ARHGAP15: variants seen among roughly 807,000 people sequenced by gnomAD.
ARHGAP15 encodes Rho GTPase activating protein 15, also known as rho GTPase-activating protein 15.
ARHGAP15 carries 51 observed loss-of-function variants against 63.7 expected under a neutral mutation model. The ratio of observed to expected loss-of-function variants is 0.80; its 90% CI spans 0.64 to 1.01. ARHGAP15 has a LOEUF of 1.01. Ranked by LOEUF, ARHGAP15 falls within the 50% of genes least tolerant of loss-of-function variation. The pLI is 0.00. For synonymous variants in ARHGAP15, 191 were observed against 193.8 expected (o/e 0.99, Z 0.12); for missense variants, 560 against 564.6 (o/e 0.99, Z 0.08).
intron 6 of ARHGAP15, among the ~76,000 whole-genome samples, chr2:143,408,218 C>A (rs956390016): frequency 2.0e-5 from 3 of 149,574 alleles, no homozygotes; most frequent in African/African-American, 7.3e-5. Context: ...CTCTCCCTCT[C>A]TCCCTTCCTC....
chr2:143,337,192 G>A (rs1684813012), intron 6 of ARHGAP15, among the ~76,000 whole-genome samples: 1 of 152,180 alleles, frequency 6.6e-6, no homozygotes, highest in South Asian at 2.1e-4. Flanking sequence ...AAAGTGCTGT[G>A]AAGATGGTCC....
intron 6 of ARHGAP15, among the ~76,000 whole-genome samples, chr2:143,334,658 T>C (rs1684694384): frequency 6.6e-6 from 1 of 152,212 alleles, no homozygotes; most frequent in Non-Finnish European, 1.5e-5. Context: ...GTTGTTTATT[T>C]TATGCCTAAT....
chr2:143,753,481 T>C (rs1686458480), intron 13 of ARHGAP15, among the ~76,000 whole-genome samples: 1 of 152,210 alleles, frequency 6.6e-6, no homozygotes, highest in African/African-American at 2.4e-5. Context: ...CAGTTCTACG[T>C]ACCGGACGAT....
intron 12 of ARHGAP15, among the ~76,000 whole-genome samples, chr2:143,640,313 G>A (rs1421780764): frequency 1.3e-5 from 2 of 152,060 alleles, no homozygotes; most frequent in Non-Finnish European, 2.9e-5. Context: ...AGGGTGGCGA[G>A]AAGGTGAATG....
intron 13 of ARHGAP15, among the ~76,000 whole-genome samples, chr2:143,706,933 C>T (rs1684354197): frequency 6.6e-6 from 1 of 152,126 alleles, no homozygotes; most frequent in African/African-American, 2.4e-5. Context: ...AATGCATTTT[C>T]CTATAGCCTG....
intron 6 of ARHGAP15, among the ~76,000 whole-genome samples, chr2:143,389,614 G>A (rs1223056065): frequency 6.6e-6 from 1 of 152,152 alleles, no homozygotes; most frequent in East Asian, 1.9e-4. Flanking sequence ...CTGTATCACT[G>A]TTTTGGTAAG....
chr2:143,283,092 C>A (rs2105089006), intron 6 of ARHGAP15, among the ~76,000 whole-genome samples: 1 of 152,238 alleles, frequency 6.6e-6, no homozygotes, highest in South Asian at 2.1e-4. Flanking sequence ...TGTGATTTTT[C>A]CCCAGGAGTT....
chr2:143,132,360 A>G (rs1338710571), intron 1 of ARHGAP15, among the ~76,000 whole-genome samples: 3 of 152,230 alleles, frequency 2.0e-5, no homozygotes, highest in African/African-American at 7.2e-5. Flanking sequence ...ACACAGGATT[A>G]TCAGGAGTAG....
At chr2:143,252,743 C>A (rs1216036242) in intron 6 of ARHGAP15, among the ~76,000 whole-genome samples, 1 of 151,964 alleles carries the variant, frequency 6.6e-6, no homozygotes, top group East Asian at 1.9e-4. Flanking sequence ...TAGATACAGA[C>A]TATGAGAGTA....
At chr2:143,555,912 GAA>G (rs1695774054) in intron 10 of ARHGAP15, among the ~76,000 whole-genome samples, 3 of 107,864 alleles carry the variant, frequency 2.8e-5, no homozygotes, top group South Asian at 6.3e-4. Flanking sequence ...GAATAGAATA[GAA>G]TAGAATAGAA....
chr2:143,296,501 T>A (rs1273881453), intron 6 of ARHGAP15, among the ~76,000 whole-genome samples: 1 of 152,000 alleles, frequency 6.6e-6, no homozygotes, highest in Non-Finnish European at 1.5e-5. Context: ...TAAGAATATC[T>A]TCCTAAGTGG....
At chr2:143,400,822 G>GAA (rs1687960579) in intron 6 of ARHGAP15, among the ~76,000 whole-genome samples, 1 of 152,022 alleles carries the variant, frequency 6.6e-6, no homozygotes, top group Non-Finnish European at 1.5e-5. Flanking sequence ...CTATAGGGGA[G>GAA]TTGAGTAGAC....
intron 6 of ARHGAP15, among the ~76,000 whole-genome samples, chr2:143,397,430 ATT>A (rs1377922025): frequency 2.0e-5 from 3 of 151,548 alleles, no homozygotes; most frequent in Non-Finnish European, 4.4e-5. Flanking sequence ...TGCATGAACA[ATT>A]TTTTATGTAA....
chr2:143,669,334 T>G (rs1190784743), intron 12 of ARHGAP15, among the ~76,000 whole-genome samples: 1 of 152,204 alleles, frequency 6.6e-6, no homozygotes, highest in East Asian at 1.9e-4. Flanking sequence ...ATGTCTCCTA[T>G]TTTGAGGCAT....
At chr2:143,452,436 G>A (rs1690447565) in intron 8 of ARHGAP15, among the ~76,000 whole-genome samples, 1 of 151,940 alleles carries the variant, frequency 6.6e-6, no homozygotes, top group Admixed American at 6.6e-5. Context: ...AAACATTAAA[G>A]GGGATCTTAA....
intron 4 of ARHGAP15, among the ~76,000 whole-genome samples, chr2:143,217,038 T>C (rs1335783373): frequency 1.3e-5 from 2 of 152,188 alleles, no homozygotes; most frequent in African/African-American, 4.8e-5. Context: ...ACCTCCATTT[T>C]AGAATTTTTG....
chr2:143,663,635 G>A (rs1466473318), intron 12 of ARHGAP15, among the ~76,000 whole-genome samples: 1 of 152,086 alleles, frequency 6.6e-6, no homozygotes, highest in Non-Finnish European at 1.5e-5. Flanking sequence ...TGGATAAAGA[G>A]TCAAGACCCA....
At chr2:143,536,708 AT>A (rs1694785489) in intron 10 of ARHGAP15, among the ~76,000 whole-genome samples, 2 of 151,726 alleles carry the variant, frequency 1.3e-5, no homozygotes, top group African/African-American at 2.4e-5. Flanking sequence ...TGAACTCATC[AT>A]TTTTTATGGC....
intron 2 of ARHGAP15, among the ~76,000 whole-genome samples, chr2:143,161,773 G>A (rs1427029471): frequency 2.0e-5 from 3 of 151,906 alleles, no homozygotes; most frequent in African/African-American, 7.2e-5. Context: ...CTCCCAATAA[G>A]AAATGATTGA....
Sources: allele counts gnomAD v4.1 joint callset (sites outside exome capture counted in the v4.1 genomes callset), GRCh38; gene constraint gnomAD v4.1.1; transcripts MANE v1.5; gene names NCBI Gene and HGNC (gene_info 2026-07-23, HGNC 2026-07-21).